Variants in CDKAL1 observed in about 807,000 individuals in gnomAD.
The protein encoded by CDKAL1 is CDKAL1 threonylcarbamoyladenosine tRNA methylthiotransferase, also known as threonylcarbamoyladenosine tRNA methylthiotransferase.
Under a neutral mutation model 68.2 loss-of-function variants are expected in CDKAL1, and 32 were observed. The ratio of observed to expected loss-of-function variants is 0.47; its 90% CI spans 0.35 to 0.63. The LOEUF is 0.63. CDKAL1 is among the 30% of genes least tolerant of loss of function. The pLI, the probability that CDKAL1 is intolerant of heterozygous loss-of-function variation, is 0.00. For missense variants in CDKAL1, 606 were observed against 696.7 expected, an observed-to-expected ratio of 0.87 and a Z score of 1.47; for synonymous variants, 234 against 244.3, an observed-to-expected ratio of 0.96 and a Z score of 0.39.
intron 8 of CDKAL1, among the ~76,000 whole-genome samples, chr6:20,818,748 T>C (rs1194156674): frequency 4.0e-5 from 6 of 150,818 alleles, no homozygotes; most frequent in Admixed American, 2.0e-4. Context: ...TTAATAATTA[T>C]ATATATACAC....
At chr6:20,544,840 A>G (rs898904028) in intron 2 of CDKAL1, among the ~76,000 whole-genome samples, 1 of 151,994 alleles carries the variant, frequency 6.6e-6, no homozygotes, top group African/African-American at 2.4e-5. Context: ...TTGAATGTCC[A>G]GGATCCCTCC....
intron 13 of CDKAL1, among the ~76,000 whole-genome samples, chr6:21,139,036 G>T (rs763771067): frequency 1.1e-4 from 17 of 152,184 alleles, no homozygotes; most frequent in Non-Finnish European, 2.5e-4. Flanking sequence ...TATTGAAAAG[G>T]GTCAATAGGA....
At chr6:20,546,553 T>A (rs1449320736) in intron 3 of CDKAL1, 30 bp downstream of exon 3, 7 of 1,572,484 alleles carry the variant, frequency 4.5e-6, no homozygotes, top group Non-Finnish European at 6.1e-6. Flanking sequence ...ATTATATTCA[T>A]TTTCTTTTTT....
At chr6:20,624,397 T>G (rs1330535787) in intron 4 of CDKAL1, among the ~76,000 whole-genome samples, 3 of 152,032 alleles carry the variant, frequency 2.0e-5, no homozygotes, top group Non-Finnish European at 4.4e-5. Flanking sequence ...TTCTGTGCTG[T>G]CTTTTTTTCT....
At chr6:20,824,761 A>C (rs1777431330) in intron 8 of CDKAL1, among the ~76,000 whole-genome samples, 1 of 152,152 alleles carries the variant, frequency 6.6e-6, no homozygotes, top group Non-Finnish European at 1.5e-5. Context: ...GGGGGAAAGG[A>C]TTCCGCAAGG....
At chr6:20,723,991 G>GGTAT (rs1265271149) in intron 5 of CDKAL1, among the ~76,000 whole-genome samples, 5 of 152,264 alleles carry the variant, frequency 3.3e-5, no homozygotes, top group African/African-American at 1.2e-4. Flanking sequence ...GGAGTGCAGT[G>GGTAT]GTATGATCTT....
chr6:21,048,814 T>C (rs1425034998), intron 11 of CDKAL1, among the ~76,000 whole-genome samples: 1 of 151,536 alleles, frequency 6.6e-6, no homozygotes, highest in African/African-American at 2.4e-5. Flanking sequence ...CTCTAAGTGG[T>C]TTTTTTTCAA....
At position 20,698,264 on chromosome 6, in the gene CDKAL1, T is replaced by G. The variant is rs77367605; in HGVS notation, c.372-41255T>G. Among the ~76,000 whole-genome samples the G allele has an allele frequency of 5.5e-3, 845 of 152,322 alleles. 12 individuals are homozygous for G. The highest frequency in any genetic ancestry group is 0.019 in the African/African-American group (796 of 41,560). On this transcript the variant is annotated intron_variant, in intron 5 of 15. Transcript: ENST00000274695. ...TTTGATTTTAGAATAATCTTCAACT[T>G]ACAGAAAAGTTGCAAAAAAGTTGCA...
chr6:20,605,482 CATT>C (rs1437770975), intron 4 of CDKAL1, among the ~76,000 whole-genome samples: 2 of 152,136 alleles, frequency 1.3e-5, no homozygotes, highest in Non-Finnish European at 2.9e-5. Context: ...TTTTTCTTCT[CATT>C]ATGGGATTCC....
chr6:21,114,666 G>C (rs1361452963), intron 13 of CDKAL1, among the ~76,000 whole-genome samples: 2 of 152,098 alleles, frequency 1.3e-5, no homozygotes, highest in Non-Finnish European at 2.9e-5. Flanking sequence ...TTAAGTCCAG[G>C]AGTTCGAGGC....
chr6:20,566,509 G>A (rs116003989), intron 4 of CDKAL1, among the ~76,000 whole-genome samples: 3,614 of 149,780 alleles, frequency 0.024, 132 homozygotes, highest in African/African-American at 0.076. Flanking sequence ...AATTTTAATA[G>A]GACTTTATGT....
At chr6:20,793,226 C>T (rs1283043949) in intron 8 of CDKAL1, among the ~76,000 whole-genome samples, 3 of 152,166 alleles carry the variant, frequency 2.0e-5, no homozygotes, top group African/African-American at 7.2e-5. Flanking sequence ...AAGCCCCTTT[C>T]TGTCTACTTC....
At chr6:20,773,270 G>A (rs1775021970) in intron 7 of CDKAL1, among the ~76,000 whole-genome samples, 2 of 152,156 alleles carry the variant, frequency 1.3e-5, no homozygotes, top group African/African-American at 2.4e-5. Context: ...ACACTTTAGT[G>A]TGAATACCTA....
intron 9 of CDKAL1, among the ~76,000 whole-genome samples, chr6:20,925,029 C>A (rs1017302442): frequency 5.9e-5 from 9 of 152,184 alleles, no homozygotes; most frequent in Admixed American, 5.9e-4. Context: ...TACAGAGAAT[C>A]TTTTGTGGAA....
chr6:20,937,452 A>T (rs1265345417), intron 9 of CDKAL1, among the ~76,000 whole-genome samples: 2 of 152,190 alleles, frequency 1.3e-5, no homozygotes, highest in Admixed American at 1.3e-4. Context: ...ACGTTGGTAA[A>T]ATACTATTAT....
At chr6:20,633,205 C>T (rs1767751412) in intron 4 of CDKAL1, among the ~76,000 whole-genome samples, 3 of 152,184 alleles carry the variant, frequency 2.0e-5, no homozygotes. Context: ...CCTCCTATCC[C>T]TCTCAGCCCT....
At chr6:20,710,562 GT>G (rs1771800045) in intron 5 of CDKAL1, among the ~76,000 whole-genome samples, 1 of 152,180 alleles carries the variant, frequency 6.6e-6, no homozygotes, top group African/African-American at 2.4e-5. Flanking sequence ...ATGACTGTAT[GT>G]AAAAATCAGT....
At chr6:20,975,016 A>G (rs939094293) in intron 10 of CDKAL1, among the ~76,000 whole-genome samples, 22 of 151,458 alleles carry the variant, frequency 1.5e-4, no homozygotes, top group African/African-American at 4.9e-4. Flanking sequence ...AGAAACAAAT[A>G]AGATATTTGG....
chr6:20,726,298 TC>T (rs1466466130), intron 5 of CDKAL1, among the ~76,000 whole-genome samples: 1 of 151,968 alleles, frequency 6.6e-6, no homozygotes. Flanking sequence ...TGTGTGACCC[TC>T]CCCCCACCTG....
Sources: gnomAD v4.1 joint callset for allele counts (sites outside exome capture counted in the v4.1 genomes callset) on GRCh38, gnomAD v4.1.1 for gene constraint, MANE v1.5 for transcripts, NCBI Gene and HGNC (gene_info 2026-07-23, HGNC 2026-07-21) for gene names.